The following SMOC2 variants were observed in gnomAD, a reference collection of about 807,000 sequenced individuals.
SMOC2 encodes the protein SPARC related modular calcium binding 2.
Under a neutral mutation model 61.4 loss-of-function variants are expected in SMOC2, and 39 were observed. The observed-to-expected ratio is 0.64, with a 90% CI of 0.49 to 0.83. The LOEUF (loss-of-function observed/expected upper bound fraction) is 0.83, where lower values mean the gene tolerates loss of function less well. SMOC2 is among the 40% of genes least tolerant of loss of function. SMOC2 has a pLI of 0.00. For missense variants in SMOC2, 556 were observed against 592.9 expected (o/e 0.94, Z 0.65); for synonymous variants, 247 against 239.9 (o/e 1.03, Z -0.27).
intron 7 of SMOC2, among the ~76,000 whole-genome samples, chr6:168,595,935 G>T (rs1785319802): frequency 6.6e-6 from 1 of 152,230 alleles, no homozygotes; most frequent in South Asian, 2.1e-4. Context: ...AGTATGTCGT[G>T]TCTGGATCAT....
At chr6:168,586,501 A>G (rs1785049290) in intron 7 of SMOC2, among the ~76,000 whole-genome samples, 2 of 152,310 alleles carry the variant, frequency 1.3e-5, no homozygotes. Flanking sequence ...TTTTAGAACC[A>G]TAATGTCAGT....
chr6:168,539,241 C>A lies in SMOC2; in HGVS notation c.464-4384C>A, dbSNP rs143992810. On this transcript the variant is annotated intron_variant, in intron 4 of 12. Coordinates refer to ENST00000356284, the MANE Select transcript of SMOC2 (RefSeq NM_001166412.2). Reference sequence around the variant, plus strand: ...AAAAAACTTAAATTTTATTTATAAACATGAAAATCACTGTGTGTAGAAAAC... The same window carrying A: ...AAAAAACTTAAATTTTATTTATAAAAATGAAAATCACTGTGTGTAGAAAAC... Among the ~76,000 whole-genome samples the A allele has an allele frequency of 5.1e-3, 779 of 152,278 alleles. 4 individuals carry two copies. The highest frequency in any genetic ancestry group is 0.028 in the South Asian group (134 of 4,832).
chr6:168,519,003 G>C (rs546960251), intron 2 of SMOC2, among the ~76,000 whole-genome samples: 2 of 147,074 alleles, frequency 1.4e-5, no homozygotes, highest in East Asian at 4.0e-4. Flanking sequence ...GCGTGCATGT[G>C]TGAGTATGCG....
intron 7 of SMOC2, among the ~76,000 whole-genome samples, chr6:168,576,087 G>T (rs1784797728): frequency 6.6e-6 from 1 of 152,120 alleles, no homozygotes; most frequent in African/African-American, 2.4e-5. Context: ...TCAGGTTGTG[G>T]TTGCTCAGAT....
At chr6:168,566,094 A>G (rs945542062) in intron 7 of SMOC2, among the ~76,000 whole-genome samples, 2 of 152,342 alleles carry the variant, frequency 1.3e-5, no homozygotes, top group African/African-American at 2.4e-5. Flanking sequence ...AAGTGAACTA[A>G]GAAAAAATCC....
intron 4 of SMOC2, among the ~76,000 whole-genome samples, chr6:168,534,315 G>A (rs1005530246): frequency 1.3e-5 from 2 of 152,200 alleles, no homozygotes; most frequent in African/African-American, 4.8e-5. Flanking sequence ...GTGTTCAACT[G>A]ATACTAAATT....
intron 9 of SMOC2, among the ~76,000 whole-genome samples, chr6:168,637,971 C>A (rs1475687334): frequency 6.6e-6 from 1 of 151,880 alleles, no homozygotes; most frequent in Non-Finnish European, 1.5e-5. Context: ...AGGCGTGCCC[C>A]TGCCCCGCCC....
At chr6:168,543,762 C>G in intron 5 of SMOC2, 90 bp downstream of exon 5, 1 of 1,234,648 alleles carries the variant, frequency 8.1e-7, no homozygotes, top group South Asian at 1.3e-5. Flanking sequence ...GAAACATCCA[C>G]TAGTGATGAT....
intron 7 of SMOC2, among the ~76,000 whole-genome samples, chr6:168,570,090 A>G (rs1317499414): frequency 6.8e-6 from 1 of 146,912 alleles, no homozygotes; most frequent in Non-Finnish European, 1.5e-5. Context: ...TCGTCCTGGC[A>G]TCACGTCACC....
chr6:168,605,839 T>A (rs2115198375), intron 8 of SMOC2, among the ~76,000 whole-genome samples: 1 of 152,048 alleles, frequency 6.6e-6, no homozygotes, highest in East Asian at 2.0e-4. Flanking sequence ...TCTAAGGAGG[T>A]GTGCCCTCTG....
At chr6:168,459,321 T>G (rs1038264109) in intron 1 of SMOC2, among the ~76,000 whole-genome samples, 7 of 152,162 alleles carry the variant, frequency 4.6e-5, no homozygotes, top group African/African-American at 1.4e-4. Flanking sequence ...CAGACGCGCC[T>G]GGGTCCCTGG....
intron 9 of SMOC2, among the ~76,000 whole-genome samples, chr6:168,611,652 G>T (rs1225300877): frequency 7.6e-6 from 1 of 131,834 alleles, no homozygotes; most frequent in African/African-American, 2.9e-5. Flanking sequence ...CTCCCGTGTC[G>T]GGCCTGGCTG....
intron 1 of SMOC2, among the ~76,000 whole-genome samples, chr6:168,498,423 TG>T (rs1360677886): frequency 6.6e-6 from 1 of 151,922 alleles, no homozygotes; most frequent in Admixed American, 6.6e-5. Flanking sequence ...AGGGAAAGAG[TG>T]GCTGTCCGGC....
chr6:168,462,068 T>G (rs1209566007), intron 1 of SMOC2, among the ~76,000 whole-genome samples: 1 of 152,178 alleles, frequency 6.6e-6, no homozygotes, highest in Non-Finnish European at 1.5e-5. Flanking sequence ...CTCTTTATGG[T>G]GGGCCTCCTT....
intron 1 of SMOC2, among the ~76,000 whole-genome samples, chr6:168,477,057 C>G (rs1444948867): frequency 1.3e-5 from 2 of 152,138 alleles, no homozygotes; most frequent in African/African-American, 2.4e-5. Flanking sequence ...ACTTTTGAGT[C>G]CCAATTAAGG....
At chr6:168,620,227 A>C (rs1310076116) in intron 9 of SMOC2, among the ~76,000 whole-genome samples, 2 of 152,062 alleles carry the variant, frequency 1.3e-5, no homozygotes, top group African/African-American at 2.4e-5. Context: ...TGATTCCCCT[A>C]TGTCTTTAAA....
chr6:168,494,299 G>C (rs1346103859), intron 1 of SMOC2, among the ~76,000 whole-genome samples: 1 of 152,184 alleles, frequency 6.6e-6, no homozygotes, highest in African/African-American at 2.4e-5. Context: ...GTAGTTCAGT[G>C]GTAGGGCAGG....
intron 7 of SMOC2, among the ~76,000 whole-genome samples, chr6:168,563,454 C>T (rs1008186043): frequency 1.3e-5 from 2 of 152,138 alleles, no homozygotes; most frequent in Non-Finnish European, 2.9e-5. Context: ...GTCATACACA[C>T]ACACACATAT....
rs930664598 is a variant in SMOC2 at position 168,584,767 on chromosome 6, G to A, written c.638-14051G>A. ...TAGACATAGATGTTGTTTATGGAGA[G>A]CATCGATGTAGAGTGAGATGCACAG... On this transcript the variant is annotated intron_variant, in intron 7 of 12. Coordinates refer to ENST00000356284, the MANE Select transcript of SMOC2 (RefSeq NM_001166412.2). 1.5e-4 allele frequency among the ~76,000 whole-genome samples: 23 copies of A among 152,170 alleles called. 5 individuals are homozygous for A. The highest frequency in any genetic ancestry group is 3.9e-4 in the East Asian group (2 of 5,168).
Sources: gnomAD v4.1 joint callset for allele counts (sites outside exome capture counted in the v4.1 genomes callset) on GRCh38, gnomAD v4.1.1 for gene constraint, MANE v1.5 for transcripts, NCBI Gene and HGNC (gene_info 2026-07-23, HGNC 2026-07-21) for gene names.